SRD5A2: variants seen among roughly 807,000 people sequenced by gnomAD.
SRD5A2 encodes the protein steroid 5 alpha-reductase 2.
In SRD5A2, 30 loss-of-function variants were observed where a neutral mutation model predicts 27.4. The ratio of observed to expected loss-of-function variants is 1.10; its 90% CI spans 0.82 to 1.49. The LOEUF (loss-of-function observed/expected upper bound fraction) is 1.49, where lower values mean the gene tolerates loss of function less well. Among genes scored for constraint, SRD5A2 ranks in the 40% most tolerant of loss-of-function variants. The pLI, the probability that SRD5A2 is intolerant of heterozygous loss-of-function variation, is 0.00. For missense variants in SRD5A2, 348 were observed against 323.4 expected (o/e 1.08, Z -0.58); for synonymous variants, 141 against 133.6 (o/e 1.06, Z -0.38).
At chr2:31,630,588 A>G in the SRD5A2 span, among the ~76,000 whole-genome samples, 1 of 152,192 alleles carries the variant, frequency 6.6e-6, no homozygotes, top group Admixed American at 6.5e-5. Flanking sequence ...GATGGCCCAA[A>G]TGCATTCAAT....
At chr2:31,565,721 T>C (rs1256950719) in intron 1 of SRD5A2, among the ~76,000 whole-genome samples, 1 of 151,844 alleles carries the variant, frequency 6.6e-6, no homozygotes, top group African/African-American at 2.4e-5. Flanking sequence ...CAAAAACTGA[T>C]AGAGCTGTAA....
At chr2:31,554,452 C>T (rs1666450882) in intron 1 of SRD5A2, among the ~76,000 whole-genome samples, 1 of 152,144 alleles carries the variant, frequency 6.6e-6, no homozygotes, top group Admixed American at 6.6e-5. Context: ...GAAAGAAGAG[C>T]TCTAGGTATA....
At chr2:31,641,281 A>C in the SRD5A2 span, among the ~76,000 whole-genome samples, 1,813 of 152,324 alleles carry the variant, frequency 0.012, 21 homozygotes, top group African/African-American at 0.018. Flanking sequence ...AAATCATTTC[A>C]TAAAGAGGAA....
At chr2:31,570,558 T>C (rs1373295836) in intron 1 of SRD5A2, among the ~76,000 whole-genome samples, 1 of 152,176 alleles carries the variant, frequency 6.6e-6, no homozygotes, top group East Asian at 1.9e-4. Context: ...ATAAAAGGCA[T>C]ACAAATAGGA....
the SRD5A2 span, among the ~76,000 whole-genome samples, chr2:31,662,668 G>T: frequency 3.7e-3 from 570 of 152,164 alleles, 9 homozygotes; most frequent in African/African-American, 0.013. Flanking sequence ...AAATCATTTA[G>T]TCCTGTAATA....
intron 1 of SRD5A2, among the ~76,000 whole-genome samples, chr2:31,543,401 G>C (rs542254429): frequency 6.6e-6 from 1 of 152,192 alleles, no homozygotes; most frequent in Admixed American, 6.5e-5. Context: ...ATTGTAAAAG[G>C]TGGTATTATT....
At chr2:31,579,119 C>A (rs565831112) in intron 1 of SRD5A2, among the ~76,000 whole-genome samples, 2 of 152,278 alleles carry the variant, frequency 1.3e-5, no homozygotes, top group East Asian at 1.9e-4. Context: ...AATAAAGAAT[C>A]TTGTTCACAG....
the SRD5A2 span, among the ~76,000 whole-genome samples, chr2:31,610,290 A>C: frequency 1.3e-5 from 2 of 152,206 alleles, no homozygotes; most frequent in East Asian, 3.9e-4. Context: ...AAAAGCTAGC[A>C]AACTAAATTC....
intron 1 of SRD5A2, among the ~76,000 whole-genome samples, chr2:31,549,579 G>A (rs1370664901): frequency 6.6e-6 from 1 of 152,144 alleles, no homozygotes; most frequent in East Asian, 1.9e-4. Flanking sequence ...TAAAAATGAA[G>A]TAGAGTTACT....
At chr2:31,552,326 T>C (rs1666396832) in intron 1 of SRD5A2, among the ~76,000 whole-genome samples, 1 of 151,472 alleles carries the variant, frequency 6.6e-6, no homozygotes, top group Non-Finnish European at 1.5e-5. Context: ...TGCCAAGGGA[T>C]ATTGCCTCAA....
upstream of SRD5A2, among the ~76,000 whole-genome samples, chr2:31,582,570 C>T (rs1478060748): frequency 6.6e-6 from 1 of 152,164 alleles, no homozygotes; most frequent in African/African-American, 2.4e-5. Flanking sequence ...CTTTAGAGTA[C>T]AAGTCCAGTC....
the SRD5A2 span, among the ~76,000 whole-genome samples, chr2:31,625,234 A>C: frequency 1.3e-5 from 2 of 151,942 alleles, no homozygotes; most frequent in African/African-American, 4.8e-5. Context: ...AAATTTGTTT[A>C]AGTTCTTTGT....
chr2:31,582,565 G>A (rs1421749688), upstream of SRD5A2, among the ~76,000 whole-genome samples: 4 of 152,284 alleles, frequency 2.6e-5, no homozygotes, highest in Non-Finnish European at 4.4e-5. Flanking sequence ...ACTGGCTTTA[G>A]AGTACAAGTC....
intron 1 of SRD5A2, among the ~76,000 whole-genome samples, chr2:31,540,940 G>T (rs547596063): frequency 1.3e-5 from 2 of 152,292 alleles, no homozygotes; most frequent in Admixed American, 1.3e-4. Context: ...GAGGTGGTGG[G>T]TCTTTGCTGT....
At chr2:31,534,169 C>T (rs1464525466) in intron 1 of SRD5A2, among the ~76,000 whole-genome samples, 1 of 151,920 alleles carries the variant, frequency 6.6e-6, no homozygotes, top group African/African-American at 2.4e-5. Flanking sequence ...AATTATAAAG[C>T]CTATTAGTGA....
At chr2:31,540,151 G>A (rs1434232208) in intron 1 of SRD5A2, among the ~76,000 whole-genome samples, 2 of 151,840 alleles carry the variant, frequency 1.3e-5, no homozygotes, top group Non-Finnish European at 2.9e-5. Context: ...TTAACACCAA[G>A]AGCAATCACT....
the SRD5A2 span, among the ~76,000 whole-genome samples, chr2:31,629,512 T>C: frequency 6.6e-6 from 1 of 152,182 alleles, no homozygotes; most frequent in Non-Finnish European, 1.5e-5. Context: ...ATGATTAGCA[T>C]AGCCGCCAGA....
the SRD5A2 span, among the ~76,000 whole-genome samples, chr2:31,646,726 G>T: frequency 6.6e-6 from 1 of 151,838 alleles, no homozygotes; most frequent in African/African-American, 2.4e-5. Context: ...GTCTGAAAAA[G>T]AATATTAAAA....
chr2:31,647,918 G>C, the SRD5A2 span, among the ~76,000 whole-genome samples: 1 of 152,130 alleles, frequency 6.6e-6, no homozygotes. Flanking sequence ...TATGAAAACT[G>C]TTTCTATCAT....
Sources: allele counts gnomAD v4.1 joint callset (sites outside exome capture counted in the v4.1 genomes callset), GRCh38; gene constraint gnomAD v4.1.1; transcripts MANE v1.5; gene names NCBI Gene and HGNC (gene_info 2026-07-23, HGNC 2026-07-21).